The following PLEKHM3 variants were observed in gnomAD, a reference collection of about 807,000 sequenced individuals.
PLEKHM3 encodes the protein pleckstrin homology domain containing M3.
Under a neutral mutation model 81.8 loss-of-function variants are expected in PLEKHM3, and 45 were observed. The ratio of observed to expected loss-of-function variants is 0.55; its 90% CI spans 0.43 to 0.71. The LOEUF (loss-of-function observed/expected upper bound fraction) is 0.71. Among genes scored for constraint, PLEKHM3 ranks in the 30% least tolerant of loss-of-function variants. The pLI is 0.00. For synonymous variants in PLEKHM3, 352 were observed against 356.4 expected (o/e 0.99, Z 0.14); for missense variants, 788 against 924.3 (o/e 0.85, Z 1.91).
At chr2:207,828,728 G>A in intron 7 of PLEKHM3, among the ~76,000 whole-genome samples, 1 of 152,214 alleles carries the variant, frequency 6.6e-6, no homozygotes, top group Non-Finnish European at 1.5e-5. Flanking sequence ...GGGCTTATGA[G>A]TGGGGGGGAG....
At chr2:208,009,618 G>A (rs1351129470) in intron 1 of PLEKHM3, among the ~76,000 whole-genome samples, 3 of 152,162 alleles carry the variant, frequency 2.0e-5, no homozygotes, top group Non-Finnish European at 4.4e-5. Flanking sequence ...TAACTTACCT[G>A]ATATCAAGTA....
rs532892362 is a variant in PLEKHM3, at chr2:207,883,621, A to G, written c.1951-22359T>C. Among the ~76,000 whole-genome samples, 5 of 152,300 alleles carry G rather than the reference A, an allele frequency of 3.3e-5. No individual in the cohort carries two copies. The South Asian group carries it at 1.0e-3, about 32-fold the overall frequency. On this transcript the variant is annotated intron_variant, in intron 6 of 7. Coordinates refer to ENST00000427836, the MANE Select transcript of PLEKHM3 (RefSeq NM_001080475.3). The stretch of plus-strand genomic sequence containing the variant: ...TGTAGCGTGCAAGTATAAGCCAGAG[A>G]AGCAGCCCTGGAGTGAGGCAGCTGA...
At chr2:207,988,302 G>A (rs966881723) in intron 2 of PLEKHM3, among the ~76,000 whole-genome samples, 5 of 152,178 alleles carry the variant, frequency 3.3e-5, no homozygotes, top group African/African-American at 9.7e-5. Context: ...AACCAGCCTA[G>A]GTTCAACTCC....
At chr2:207,869,231 A>C (rs1015540277) in intron 6 of PLEKHM3, among the ~76,000 whole-genome samples, 1 of 152,184 alleles carries the variant, frequency 6.6e-6, no homozygotes, top group Non-Finnish European at 1.5e-5. Context: ...TGGTAATATG[A>C]CTAGTGATAG....
intron 6 of PLEKHM3, among the ~76,000 whole-genome samples, chr2:207,881,829 G>C (rs989487078): frequency 1.3e-5 from 2 of 152,052 alleles, no homozygotes; most frequent in African/African-American, 4.8e-5. Context: ...GGCCTAGTGA[G>C]GGAGGGAAGC....
chr2:207,868,777 C>G (rs1185782531), intron 6 of PLEKHM3: 1 of 152,006 alleles, frequency 6.6e-6, no homozygotes, highest in African/African-American at 2.4e-5. Flanking sequence ...ATGAAGGCCA[C>G]ATGTCATTTT....
intron 6 of PLEKHM3, among the ~76,000 whole-genome samples, chr2:207,862,526 T>C (rs1310755710): frequency 6.6e-6 from 1 of 152,016 alleles, no homozygotes; most frequent in Non-Finnish European, 1.5e-5. Context: ...TAATTCCAGC[T>C]ACTCAGGAGG....
intron 2 of PLEKHM3, among the ~76,000 whole-genome samples, chr2:207,996,991 C>A (rs1347836668): frequency 1.4e-5 from 2 of 143,788 alleles, no homozygotes; most frequent in African/African-American, 5.1e-5. Flanking sequence ...ACTACCATTA[C>A]CTCATACTTT....
At chr2:207,861,963 C>T (rs191818812) in intron 6 of PLEKHM3, among the ~76,000 whole-genome samples, 101 of 152,264 alleles carry the variant, frequency 6.6e-4, no homozygotes, top group East Asian at 2.5e-3. Flanking sequence ...CCTGGCCACG[C>T]GAGGGGGCTG....
chr2:208,015,142 C>T (rs897482916), intron 1 of PLEKHM3, among the ~76,000 whole-genome samples: 3 of 152,152 alleles, frequency 2.0e-5, no homozygotes, highest in African/African-American at 7.2e-5. Flanking sequence ...TCCTCACAAC[C>T]ACCCTATTAG....
intron 2 of PLEKHM3, among the ~76,000 whole-genome samples, chr2:207,987,943 T>A (rs1309781895): frequency 6.6e-6 from 1 of 152,244 alleles, no homozygotes; most frequent in East Asian, 1.9e-4. Flanking sequence ...TCACCAATTC[T>A]GGATCACACC....
At chr2:207,884,994 G>A (rs1221472409) in intron 6 of PLEKHM3, among the ~76,000 whole-genome samples, 2 of 152,190 alleles carry the variant, frequency 1.3e-5, no homozygotes, top group African/African-American at 4.8e-5. Context: ...TTGGGTAGAC[G>A]AAGCTGAGAA....
At chr2:207,886,419 T>C (rs1687887904) in intron 6 of PLEKHM3, among the ~76,000 whole-genome samples, 1 of 152,224 alleles carries the variant, frequency 6.6e-6, no homozygotes, top group Non-Finnish European at 1.5e-5. Context: ...ACTGTCAAGG[T>C]GAAAACACCT....
rs777169075 is a variant in PLEKHM3 at position 207,977,133 on chromosome 2, C to G, written c.1064G>C (p.Ser355Thr). 1.2e-6 allele frequency: 2 copies of G among 1,614,064 alleles called. No individual in the cohort carries two copies. Among genetic ancestry groups the G allele is most frequent in the Admixed American group, 3.3e-5 (2 of 59,984 alleles). Residue 355 changes from serine (S) to threonine (T), a missense_variant, in exon 3 of 8, where the codon AGC becomes ACC. Ser to Thr is a moderately conservative substitution (Grantham distance 58). Transcript: ENST00000427836. ...GLLPPSPVLD[S>T]SKQYQNILKS... is the part of the protein sequence containing the mutation. ...GAGGATGTTTTGGTACTGTTTGGAGCTGTCCAGGACAGGGGACGGTGGCAG... is the reference window on the plus strand; with the variant it reads ...GAGGATGTTTTGGTACTGTTTGGAGGTGTCCAGGACAGGGGACGGTGGCAG...
intron 4 of PLEKHM3, among the ~76,000 whole-genome samples, chr2:207,936,782 T>A (rs1219793951): frequency 6.6e-6 from 1 of 152,042 alleles, no homozygotes; most frequent in Admixed American, 6.6e-5. Flanking sequence ...TGAATTACTG[T>A]CTATAATAGC....
At chr2:207,931,401 C>T (rs931182213) in intron 4 of PLEKHM3, among the ~76,000 whole-genome samples, 2 of 152,202 alleles carry the variant, frequency 1.3e-5, no homozygotes, top group African/African-American at 4.8e-5. Context: ...TGCCGTTATA[C>T]TGACTTATTA....
chr2:207,902,242 G>A (rs531648928), intron 6 of PLEKHM3, among the ~76,000 whole-genome samples: 3 of 152,122 alleles, frequency 2.0e-5, no homozygotes, highest in Non-Finnish European at 2.9e-5. Context: ...ACTTAGGCTC[G>A]GCCTTTGTCT....
At chr2:208,016,665 A>AT (rs1366155361) in intron 1 of PLEKHM3, among the ~76,000 whole-genome samples, 17 of 147,934 alleles carry the variant, frequency 1.1e-4, no homozygotes, top group African/African-American at 3.5e-4. Flanking sequence ...AAAAAAAAAA[A>AT]AAAATACACA....
At chr2:208,015,574 T>C (rs778059479) in intron 1 of PLEKHM3, among the ~76,000 whole-genome samples, 52 of 152,196 alleles carry the variant, frequency 3.4e-4, no homozygotes, top group Non-Finnish European at 4.4e-5. Flanking sequence ...TAAAAAGTTG[T>C]TCTCTAACTA....
Sources: allele counts gnomAD v4.1 joint callset (sites outside exome capture counted in the v4.1 genomes callset), GRCh38; gene constraint gnomAD v4.1.1; transcripts MANE v1.5; gene names NCBI Gene and HGNC (gene_info 2026-07-23, HGNC 2026-07-21).